Variants in OSBPL8 observed in about 807,000 individuals in gnomAD.
OSBPL8 encodes the protein oxysterol-binding protein-related protein 8.
In OSBPL8, 59 loss-of-function variants were observed where a neutral mutation model predicts 125.5. That is an observed-to-expected ratio of 0.47 (90% CI 0.38 to 0.58). OSBPL8 has a LOEUF of 0.58. Among genes scored for constraint, OSBPL8 ranks in the 20% least tolerant of loss-of-function variants. OSBPL8 has a pLI of 0.00. For synonymous variants in OSBPL8, 330 were observed against 338.9 expected, an observed-to-expected ratio of 0.97 and a Z score of 0.29; for missense variants, 758 against 1,047.8, an observed-to-expected ratio of 0.72 and a Z score of 3.82.
intron 1 of OSBPL8, among the ~76,000 whole-genome samples, chr12:76,546,344 A>G (rs1346891762): frequency 6.6e-6 from 1 of 152,202 alleles, no homozygotes; most frequent in African/African-American, 2.4e-5. Context: ...CTCTGTTTTT[A>G]CAGAGAAATC....
At chr12:76,531,034 C>T (rs749435961) in intron 1 of OSBPL8, among the ~76,000 whole-genome samples, 5 of 152,056 alleles carry the variant, frequency 3.3e-5, no homozygotes, top group African/African-American at 9.7e-5. Context: ...AACAACTGCC[C>T]GAGACTGGGT....
At chr12:76,405,671 G>C (rs1389308290) in intron 5 of OSBPL8, among the ~76,000 whole-genome samples, 1 of 152,156 alleles carries the variant, frequency 6.6e-6, no homozygotes, top group Non-Finnish European at 1.5e-5. Context: ...GAATGACCAA[G>C]TTCCACAGTC....
chr12:76,474,367 A>G (rs1876543600), intron 2 of OSBPL8, among the ~76,000 whole-genome samples: 2 of 152,162 alleles, frequency 1.3e-5, no homozygotes, highest in Non-Finnish European at 1.5e-5. Flanking sequence ...AACAGCAGCA[A>G]TGGAGCAAGA....
chr12:76,494,380 G>C (rs1283737410), intron 1 of OSBPL8, among the ~76,000 whole-genome samples: 1 of 152,114 alleles, frequency 6.6e-6, no homozygotes, highest in Admixed American at 6.6e-5. Context: ...CCCACTGGAG[G>C]GTTCTGAGCA....
intron 9 of OSBPL8, among the ~76,000 whole-genome samples, 193 bp downstream of exon 9, chr12:76,394,452 C>G (rs1249881720): frequency 6.6e-6 from 1 of 152,140 alleles, no homozygotes; most frequent in African/African-American, 2.4e-5. Context: ...GTAAATCACA[C>G]AATGCTTCCT....
At chr12:76,417,635 C>T (rs868513264) in intron 4 of OSBPL8, among the ~76,000 whole-genome samples, 1 of 152,132 alleles carries the variant, frequency 6.6e-6, no homozygotes, top group Non-Finnish European at 1.5e-5. Flanking sequence ...CAATGTACTA[C>T]TAGTATGTAC....
intron 2 of OSBPL8, among the ~76,000 whole-genome samples, chr12:76,478,769 A>C (rs1877112331): frequency 6.6e-6 from 1 of 152,242 alleles, no homozygotes; most frequent in Non-Finnish European, 1.5e-5. Context: ...AACTTTCAGA[A>C]GTTAAAGTAA....
intron 1 of OSBPL8, among the ~76,000 whole-genome samples, chr12:76,508,462 G>A (rs982662295): frequency 4.6e-5 from 7 of 152,136 alleles, no homozygotes; most frequent in South Asian, 2.1e-4. Flanking sequence ...TGTCAGTTGC[G>A]TTTGAACCAG....
chr12:76,368,164 A>C (rs1050540060), intron 21 of OSBPL8, among the ~76,000 whole-genome samples: 8 of 152,248 alleles, frequency 5.3e-5, no homozygotes, highest in African/African-American at 1.9e-4. Flanking sequence ...CCATTTTCGA[A>C]TGACAGTTTT....
At chr12:76,473,812 G>T (rs995389087) in intron 2 of OSBPL8, among the ~76,000 whole-genome samples, 3 of 152,114 alleles carry the variant, frequency 2.0e-5, no homozygotes, top group Non-Finnish European at 2.9e-5. Context: ...GTGATTAAAG[G>T]TTCACCCCTG....
At chr12:76,358,966 A>G (rs1952095771) in intron 21 of OSBPL8, among the ~76,000 whole-genome samples, 155 bp from the exon 22 acceptor site, 1 of 152,262 alleles carries the variant, frequency 6.6e-6, no homozygotes, top group South Asian at 2.1e-4. Flanking sequence ...AATGTGATGC[A>G]CTTATGCAAT....
intron 5 of OSBPL8, among the ~76,000 whole-genome samples, chr12:76,403,193 T>C (rs960621613): frequency 6.6e-6 from 1 of 152,202 alleles, no homozygotes; most frequent in African/African-American, 2.4e-5. Context: ...CCTCCTTCAA[T>C]AGGAAGAAAT....
intron 20 of OSBPL8, among the ~76,000 whole-genome samples, 159 bp from the exon 21 acceptor site, chr12:76,369,460 G>A (rs1426157030): frequency 1.3e-5 from 2 of 151,832 alleles, no homozygotes; most frequent in African/African-American, 2.4e-5. Flanking sequence ...TTATTTTATA[G>A]GCTAACTTCT....
chr12:76,508,224 T>G (rs768097734), intron 1 of OSBPL8, among the ~76,000 whole-genome samples: 16 of 152,102 alleles, frequency 1.1e-4, no homozygotes, highest in Non-Finnish European at 2.1e-4. Context: ...TCACATCACT[T>G]ACCTTAATTT....
At chr12:76,417,430 A>G (rs1868829445) in intron 4 of OSBPL8, among the ~76,000 whole-genome samples, 1 of 152,212 alleles carries the variant, frequency 6.6e-6, no homozygotes, top group Non-Finnish European at 1.5e-5. Flanking sequence ...CAGTTCAATT[A>G]TAGCCATTAT....
chr12:76,554,657 G>A (rs1951042667), intron 1 of OSBPL8, among the ~76,000 whole-genome samples: 1 of 152,164 alleles, frequency 6.6e-6, no homozygotes, highest in South Asian at 2.1e-4. Context: ...AGCAGTTGAC[G>A]CACATTAGCT....
intron 15 of OSBPL8, among the ~76,000 whole-genome samples, chr12:76,382,088 T>C (rs1174335599): frequency 1.3e-5 from 2 of 152,124 alleles, no homozygotes; most frequent in African/African-American, 4.8e-5. Flanking sequence ...GGTATGTTGG[T>C]CCTTGCTGTT....
At chr12:76,523,800 G>A (rs1450205487) in intron 1 of OSBPL8, among the ~76,000 whole-genome samples, 1 of 152,154 alleles carries the variant, frequency 6.6e-6, no homozygotes, top group East Asian at 1.9e-4. Flanking sequence ...CTAGTCTACA[G>A]TATTTTATTA....
intron 21 of OSBPL8, chr12:76,366,614 T>C (rs1232338460): frequency 4.5e-6 from 2 of 445,314 alleles, no homozygotes; most frequent in Non-Finnish European, 8.9e-6. Flanking sequence ...TTTTCCAGTT[T>C]CTCACGGAAT....
Sources: gnomAD v4.1 joint callset for allele counts (sites outside exome capture counted in the v4.1 genomes callset) on GRCh38, gnomAD v4.1.1 for gene constraint, MANE v1.5 for transcripts, NCBI Gene and HGNC (gene_info 2026-07-23, HGNC 2026-07-21) for gene names.